GCSAML: variants seen among roughly 807,000 people sequenced by gnomAD.
GCSAML encodes germinal center associated signaling and motility like, also known as germinal center-associated signaling and motility-like protein.
GCSAML carries 9 observed loss-of-function variants against 13.0 expected under a neutral mutation model. The observed-to-expected ratio is 0.69, with a 90% confidence interval of 0.42 to 1.21. GCSAML has a LOEUF of 1.21. GCSAML is among the 50% of genes most tolerant of loss of function. The probability of loss-of-function intolerance (pLI) is 0.00; values close to 1 mark genes in which losing one functional copy is unlikely to be tolerated. For synonymous variants in GCSAML, 37 were observed against 52.9 expected, an observed-to-expected ratio of 0.70 and a Z score of 1.31; for missense variants, 143 against 153.4, an observed-to-expected ratio of 0.93 and a Z score of 0.36.
chr1:247,556,410 C>A lies in GCSAML; in HGVS notation c.33C>A (p.Cys11Ter). 2 of 1,608,252 alleles carry A rather than the reference C, an allele frequency of 1.2e-6. No individual in the cohort carries two copies. Among genetic ancestry groups the A allele is most frequent in the Non-Finnish European group, 1.7e-6 (2 of 1,175,306 alleles). Residue 11 changes from cysteine to a stop codon, truncating the protein, a stop_gained, in exon 2 of 5, where the codon TGC becomes TGA. Coordinates refer to ENST00000366488, the MANE Select transcript of GCSAML (RefSeq NM_145278.5). LOFTEE classifies it high-confidence loss of function. ...TTTCTTATGTGTTTCCATATAGTTGCCTGGGAGAGAATCAAAAGAAGCCCA... is the reference window on the plus strand; with the variant it reads ...TTTCTTATGTGTTTCCATATAGTTGACTGGGAGAGAATCAAAAGAAGCCCA... MGNYLLRKLSCLGENQKKPKK... is the reference protein window; with the variant it reads MGNYLLRKLS
chr1:247,566,185 C>T (rs1460648522), intron 4 of GCSAML, among the ~76,000 whole-genome samples: 1 of 152,080 alleles, frequency 6.6e-6, no homozygotes, highest in African/African-American at 2.4e-5. Flanking sequence ...TTCAACTGAT[C>T]GAGATGAGTA....
intron 1 of GCSAML, among the ~76,000 whole-genome samples, chr1:247,553,006 G>A (rs1397300505): frequency 3.9e-5 from 6 of 152,044 alleles, no homozygotes; most frequent in East Asian, 1.9e-4. Context: ...TACCTGCCTC[G>A]GCCTCCTAAA....
At chr1:247,509,718 T>C (rs1207680494) in intron 1 of GCSAML, among the ~76,000 whole-genome samples, 1 of 152,198 alleles carries the variant, frequency 6.6e-6, no homozygotes. Context: ...TAAAGGGGTG[T>C]TGAATTTTAT....
intron 2 of GCSAML, among the ~76,000 whole-genome samples, chr1:247,558,699 C>G (rs1668030454): frequency 6.6e-6 from 1 of 152,038 alleles, no homozygotes; most frequent in Non-Finnish European, 1.5e-5. Flanking sequence ...ATTTTGTTCT[C>G]AACTTTTCTT....
At chr1:247,547,598 A>G (rs946864276), upstream of GCSAML, among the ~76,000 whole-genome samples, 2 of 152,250 alleles carry the variant, frequency 1.3e-5, no homozygotes, top group African/African-American at 4.8e-5. Flanking sequence ...AACAGGAGGA[A>G]TCCACCCCTG....
intron 2 of GCSAML, among the ~76,000 whole-genome samples, chr1:247,540,838 A>T (rs1667390381): frequency 6.6e-6 from 1 of 152,214 alleles, no homozygotes; most frequent in African/African-American, 2.4e-5. Flanking sequence ...TCACTCCACT[A>T]CCAAATATTT....
intron 3 of GCSAML, among the ~76,000 whole-genome samples, chr1:247,564,202 G>T (rs950969739): frequency 1.3e-4 from 20 of 152,092 alleles, no homozygotes; most frequent in Non-Finnish European, 2.6e-4. Context: ...AAAGTGCTGG[G>T]ATTACAGGCG....
chr1:247,538,683 G>GT, intron 2 of GCSAML: 2 of 454,406 alleles, frequency 4.4e-6, no homozygotes, highest in Non-Finnish European at 4.4e-6. Flanking sequence ...CAGAGGAAAG[G>GT]CCAGATGAGG....
chr1:247,550,560 C>T (rs1201279299), intron 1 of GCSAML, among the ~76,000 whole-genome samples: 8 of 152,038 alleles, frequency 5.3e-5, no homozygotes, highest in Non-Finnish European at 1.0e-4. Flanking sequence ...TGGCGTGAAC[C>T]CGGGAGGCGG....
At chr1:247,552,423 A>G (rs1441579839) in intron 1 of GCSAML, among the ~76,000 whole-genome samples, 1 of 152,168 alleles carries the variant, frequency 6.6e-6, no homozygotes, top group African/African-American at 2.4e-5. Context: ...CCTGCTTGTC[A>G]GAGGCCTGTT....
At chr1:247,549,267 G>C (rs1667687464) in intron 1 of GCSAML, 47 bp downstream of exon 1, 3 of 1,520,484 alleles carry the variant, frequency 2.0e-6, no homozygotes, top group Non-Finnish European at 2.7e-6. Flanking sequence ...AAAGAGAACA[G>C]AGATAAGGAG....
intron 4 of GCSAML, among the ~76,000 whole-genome samples, chr1:247,566,401 C>T (rs772273821): frequency 4.6e-5 from 7 of 152,082 alleles, no homozygotes; most frequent in Admixed American, 4.6e-4. Flanking sequence ...CACCACCACA[C>T]CTGGCTAATT....
rs80225489 is a variant in GCSAML at position 247,563,327 on chromosome 1, C to T, written c.90-263C>T. On this transcript the variant is annotated intron_variant, in intron 2 of 4. Transcript: ENST00000366488. ...TTATATTATATGTATGTTTTCCATG[C>T]GTGTAATAATATATGTAGTCTGATA... Among the ~76,000 whole-genome samples, 156 of 152,190 alleles carry T rather than the reference C, an allele frequency of 1.0e-3. 5 individuals are homozygous for T. In the East Asian group the frequency reaches 0.025, roughly 24 times the overall value.
At position 247,527,322 on chromosome 1, in the gene GCSAML, C is replaced by A; in HGVS notation, c.-148+268C>A. On this transcript the variant is annotated intron_variant, in intron 2 of 5. Transcript: ENST00000366489. This position sits in a 1 kb window ranked among gnomAD's most constrained non-coding sequence, Gnocchi z 4.6. ...CCCCACATAAACTGATGAGGACCTG[C>A]ACTCCTGTCCTGAGTTGACACCCAG... 4.2e-6 allele frequency: 1 copy of A among 235,946 alleles called. No homozygotes were observed. The allele number at this position is 235,946 out of a possible 1,614,324, so 14.6% of individuals were successfully genotyped here. A position where few individuals can be genotyped will look rare whatever the true frequency, so the allele number is the denominator to read the frequency against.
chr1:247,529,684 G>C (rs1666830239), intron 2 of GCSAML: 2 of 136,246 alleles, frequency 1.5e-5, no homozygotes, highest in Admixed American at 1.5e-4. Context: ...CCCAGTTTTT[G>C]TTCAAACACA....
At chr1:247,533,539 C>G (rs965212291) in intron 2 of GCSAML, 1 of 152,172 alleles carries the variant, frequency 6.6e-6, no homozygotes, top group African/African-American at 2.4e-5. Context: ...GACCTCCATT[C>G]CAGAGAGGTC....
intron 1 of GCSAML, among the ~76,000 whole-genome samples, chr1:247,510,631 G>A (rs959499921): frequency 7.9e-5 from 12 of 152,124 alleles, no homozygotes; most frequent in African/African-American, 1.9e-4. Context: ...TCTCCTGTGG[G>A]CATTTAGTGC....
At chr1:247,543,134 C>T (rs751276140) in intron 2 of GCSAML, among the ~76,000 whole-genome samples, 1 of 152,186 alleles carries the variant, frequency 6.6e-6, no homozygotes, top group African/African-American at 2.4e-5. Context: ...TAAAGAAATG[C>T]CCATCGTTTG....
chr1:247,532,213 A>G (rs1667009076), intron 2 of GCSAML: 1 of 1,614,148 alleles, frequency 6.2e-7, no homozygotes, highest in South Asian at 1.1e-5. Context: ...ATAGAACTGG[A>G]CCACACACCC....
Sources: gnomAD v4.1 joint callset for allele counts (sites outside exome capture counted in the v4.1 genomes callset) on GRCh38, gnomAD v4.1.1 for gene constraint, Gnocchi (gnomAD v3.1) non-coding constraint, MANE v1.5 for transcripts, NCBI Gene and HGNC (gene_info 2026-07-23, HGNC 2026-07-21) for gene names.